Variants in CSMD1 observed in about 807,000 individuals in gnomAD.
CSMD1 encodes CUB and sushi domain-containing protein 1.
A neutral mutation model predicts 417.5 loss-of-function variants in CSMD1; 213 were observed. That is an observed-to-expected ratio of 0.51 (90% CI 0.46 to 0.57). The LOEUF (loss-of-function observed/expected upper bound fraction) is 0.57, where lower values mean the gene tolerates loss of function less well. Among genes scored for constraint, CSMD1 ranks in the 20% least tolerant of loss-of-function variants. CSMD1 has a pLI of 0.00. For missense variants in CSMD1, 6,923 were observed against 4,529.7 expected (o/e 1.53, Z -15.17); for synonymous variants, 2,862 against 1,736.8 (o/e 1.65, Z -16.11).
chr8:3,492,247 C>T (rs762164010), intron 11 of CSMD1, among the ~76,000 whole-genome samples: 1 of 152,090 alleles, frequency 6.6e-6, no homozygotes. Flanking sequence ...AGTGGCATGC[C>T]GCTGAGCTCT....
chr8:4,272,078 T>C (rs112321848), intron 3 of CSMD1, among the ~76,000 whole-genome samples: 18 of 152,110 alleles, frequency 1.2e-4, no homozygotes, highest in African/African-American at 4.1e-4. Flanking sequence ...ACCTGCACTG[T>C]TCAACTATCA....
At chr8:4,574,468 G>C (rs954597119) in intron 2 of CSMD1, among the ~76,000 whole-genome samples, 1 of 152,098 alleles carries the variant, frequency 6.6e-6, no homozygotes, top group Admixed American at 6.5e-5. Flanking sequence ...TTTCTAACCA[G>C]TCCCAGTGAA....
intron 30 of CSMD1, among the ~76,000 whole-genome samples, chr8:3,212,296 T>C (rs1482949036): frequency 6.6e-6 from 1 of 152,222 alleles, no homozygotes; most frequent in East Asian, 1.9e-4. Flanking sequence ...GAATTTTTAA[T>C]TAAACATGAC....
At chr8:4,457,899 C>G (rs1045245055) in intron 2 of CSMD1, among the ~76,000 whole-genome samples, 4 of 152,194 alleles carry the variant, frequency 2.6e-5, no homozygotes, top group Non-Finnish European at 5.9e-5. Context: ...TAGTGAACGT[C>G]TCCATTTTCC....
At chr8:4,760,646 T>C (rs1340132874) in intron 1 of CSMD1, among the ~76,000 whole-genome samples, 1 of 152,232 alleles carries the variant, frequency 6.6e-6, no homozygotes, top group Non-Finnish European at 1.5e-5. Flanking sequence ...ATAAGTATGC[T>C]GGTATCATGA....
intron 20 of CSMD1, among the ~76,000 whole-genome samples, chr8:3,365,875 G>C (rs1272840533): frequency 6.6e-6 from 1 of 152,204 alleles, no homozygotes; most frequent in Non-Finnish European, 1.5e-5. Flanking sequence ...TTACTTATGA[G>C]TAACTCATCT....
intron 5 of CSMD1, among the ~76,000 whole-genome samples, chr8:3,928,186 T>C (rs1194847228): frequency 2.0e-5 from 3 of 152,048 alleles, no homozygotes; most frequent in Non-Finnish European, 4.4e-5. Context: ...GAAAAGAACA[T>C]GAGAATGATG....
chr8:4,399,439 C>T (rs1804495855), intron 3 of CSMD1, among the ~76,000 whole-genome samples: 3 of 152,166 alleles, frequency 2.0e-5, no homozygotes, highest in Admixed American at 6.5e-5. Flanking sequence ...AATTGATGAG[C>T]CTTTCAAAGA....
At chr8:4,036,978 T>C (rs1371827523) in intron 3 of CSMD1, among the ~76,000 whole-genome samples, 1 of 151,662 alleles carries the variant, frequency 6.6e-6, no homozygotes, top group Non-Finnish European at 1.5e-5. Context: ...TGTGTGTGTG[T>C]GTGTGTGTGT....
chr8:4,814,170 A>C (rs772555805), intron 1 of CSMD1, among the ~76,000 whole-genome samples: 1 of 152,140 alleles, frequency 6.6e-6, no homozygotes, highest in Non-Finnish European at 1.5e-5. Flanking sequence ...CAAGAAAATT[A>C]GGTTTCTTCC....
chr8:4,192,531 G>T (rs998282797), intron 3 of CSMD1, among the ~76,000 whole-genome samples: 1 of 152,052 alleles, frequency 6.6e-6, no homozygotes, highest in Non-Finnish European at 1.5e-5. Flanking sequence ...TGACCTTTCA[G>T]CAACAGGGGC....
At chr8:4,517,922 A>G (rs1336418899) in intron 2 of CSMD1, among the ~76,000 whole-genome samples, 3 of 152,222 alleles carry the variant, frequency 2.0e-5, no homozygotes, top group African/African-American at 7.2e-5. Flanking sequence ...AAGAGTACAT[A>G]TGACATTTCC....
chr8:4,451,350 A>C (rs113210459), intron 2 of CSMD1, among the ~76,000 whole-genome samples: 19 of 152,206 alleles, frequency 1.2e-4, no homozygotes, highest in African/African-American at 4.6e-4. Context: ...ACCCTGACTC[A>C]AAATAATAAG....
At chr8:3,980,596 T>C (rs143815078) in intron 5 of CSMD1, among the ~76,000 whole-genome samples, 4 of 152,338 alleles carry the variant, frequency 2.6e-5, no homozygotes, top group Non-Finnish European at 5.9e-5. Context: ...CCTTGTTAAT[T>C]TGTTTTTTAT....
intron 1 of CSMD1, among the ~76,000 whole-genome samples, chr8:4,842,323 T>A (rs1479559210): frequency 7.2e-5 from 11 of 152,214 alleles, no homozygotes; most frequent in Admixed American, 7.2e-4. Context: ...TTACCAGAAT[T>A]CTACAATGGA....
intron 3 of CSMD1, among the ~76,000 whole-genome samples, chr8:4,306,674 A>G (rs1798266289): frequency 2.0e-5 from 3 of 152,216 alleles, no homozygotes. Context: ...GTGATTGTAC[A>G]ATTCACATGC....
intron 23 of CSMD1, among the ~76,000 whole-genome samples, chr8:3,336,331 G>C (rs1264584027): frequency 6.6e-6 from 1 of 152,132 alleles, no homozygotes; most frequent in East Asian, 1.9e-4. Flanking sequence ...ACAAATTGTA[G>C]GCATTCCTAT....
intron 1 of CSMD1, among the ~76,000 whole-genome samples, chr8:4,763,190 G>A (rs971243744): frequency 1.3e-5 from 2 of 152,140 alleles, no homozygotes; most frequent in Non-Finnish European, 2.9e-5. Context: ...AAAGATCTGG[G>A]GGTAGAATTG....
chr8:3,436,157 T>C (rs1271120191), intron 12 of CSMD1, among the ~76,000 whole-genome samples: 1 of 152,120 alleles, frequency 6.6e-6, no homozygotes, highest in Non-Finnish European at 1.5e-5. Flanking sequence ...TTGAATTTAT[T>C]ACCACCTGGG....
Sources: allele counts gnomAD v4.1 joint callset (sites outside exome capture counted in the v4.1 genomes callset), GRCh38; gene constraint gnomAD v4.1.1; transcripts MANE v1.5; gene names NCBI Gene and HGNC (gene_info 2026-07-23, HGNC 2026-07-21).